Variants in CHCHD6 observed in about 807,000 individuals in gnomAD.
CHCHD6 encodes the protein coiled-coil-helix-coiled-coil-helix domain containing 6, also known as MICOS complex subunit MIC25.
CHCHD6 carries 28 observed loss-of-function variants against 32.3 expected under a neutral mutation model. That is an observed-to-expected ratio of 0.87 (90% confidence interval 0.64 to 1.19). The LOEUF (loss-of-function observed/expected upper bound fraction) is 1.19. Among genes scored for constraint, CHCHD6 ranks in the 50% most tolerant of loss-of-function variants. The pLI is 0.00. For synonymous variants in CHCHD6, 122 were observed against 117.5 expected, an observed-to-expected ratio of 1.04 and a Z score of -0.25; for missense variants, 333 against 307.0, an observed-to-expected ratio of 1.08 and a Z score of -0.63.
At chr3:126,720,710 C>A (rs1244165954) in intron 1 of CHCHD6, among the ~76,000 whole-genome samples, 16 of 152,178 alleles carry the variant, frequency 1.1e-4, no homozygotes, top group African/African-American at 3.4e-4. Context: ...GAAGTGTTCC[C>A]TCTTGAGTGC....
intron 5 of CHCHD6, among the ~76,000 whole-genome samples, chr3:126,900,157 T>C (rs1050804713): frequency 2.0e-5 from 3 of 152,170 alleles, no homozygotes; most frequent in East Asian, 3.9e-4. Flanking sequence ...GGAAAAGACG[T>C]TGGGAGTTTT....
At chr3:126,947,729 G>A (rs1478975900) in intron 6 of CHCHD6, among the ~76,000 whole-genome samples, 5 of 152,142 alleles carry the variant, frequency 3.3e-5, no homozygotes, top group East Asian at 1.9e-4. Flanking sequence ...AAATGAGGCC[G>A]AATTTTCTGC....
intron 5 of CHCHD6, among the ~76,000 whole-genome samples, chr3:126,895,567 C>G (rs535153284): frequency 6.6e-6 from 1 of 152,348 alleles, no homozygotes; most frequent in Admixed American, 6.5e-5. Context: ...ATGAAAGGCC[C>G]TCTGTCTTGA....
chr3:126,960,064 C>G (rs2107612143), intron 7 of CHCHD6, 132 bp from the exon 8 acceptor site: 3 of 1,043,630 alleles, frequency 2.9e-6, no homozygotes, highest in South Asian at 2.8e-5. Context: ...ACTGATGGGT[C>G]TCCAGGTGAG....
At chr3:126,952,104 A>G (rs2078723952) in intron 6 of CHCHD6, among the ~76,000 whole-genome samples, 1 of 152,188 alleles carries the variant, frequency 6.6e-6, no homozygotes, top group Non-Finnish European at 1.5e-5. Flanking sequence ...GGTGTTTTAG[A>G]AATCTGTGGC....
intron 5 of CHCHD6, among the ~76,000 whole-genome samples, chr3:126,888,492 C>T (rs1192585027): frequency 6.6e-6 from 1 of 152,208 alleles, no homozygotes; most frequent in Non-Finnish European, 1.5e-5. Flanking sequence ...CCACTCACTG[C>T]ACTCCAGCTA....
chr3:126,929,494 C>T (rs2078372023), intron 6 of CHCHD6, among the ~76,000 whole-genome samples: 1 of 152,194 alleles, frequency 6.6e-6, no homozygotes, highest in Non-Finnish European at 1.5e-5. Context: ...CAGTAAACTT[C>T]ATTCTGGTAG....
intron 4 of CHCHD6, among the ~76,000 whole-genome samples, chr3:126,836,248 G>T (rs959577701): frequency 2.0e-5 from 3 of 152,118 alleles, no homozygotes; most frequent in African/African-American, 7.2e-5. Context: ...TATTTGTTAT[G>T]GTGTTTGTTA....
intron 5 of CHCHD6, among the ~76,000 whole-genome samples, chr3:126,877,162 T>C (rs1385686482): frequency 6.6e-6 from 1 of 152,232 alleles, no homozygotes; most frequent in Admixed American, 6.5e-5. Context: ...AATGGAATTG[T>C]TACTCATAGC....
chr3:126,854,200 T>G (rs866643377), intron 5 of CHCHD6, among the ~76,000 whole-genome samples: 1 of 152,220 alleles, frequency 6.6e-6, no homozygotes, highest in Non-Finnish European at 1.5e-5. Context: ...TTGCTCTTCA[T>G]TAAGTGAAGT....
At chr3:126,957,837 C>T (rs1240172858) in intron 7 of CHCHD6, 5 of 513,144 alleles carry the variant, frequency 9.7e-6, no homozygotes, top group South Asian at 4.2e-5. Context: ...TCAGGCCCCA[C>T]CTTCAAGGGC....
intron 6 of CHCHD6, among the ~76,000 whole-genome samples, chr3:126,946,686 C>T (rs1268016687): frequency 6.6e-6 from 1 of 152,166 alleles, no homozygotes; most frequent in African/African-American, 2.4e-5. Context: ...TTAACCAAGT[C>T]CTTAGTAACC....
At position 126,960,318 on chromosome 3, in the gene CHCHD6, G is replaced by GGCTCAGGGGCAT; in HGVS notation, c.*117_*118insGCTCAGGGGCAT. On this transcript the variant is annotated 3_prime_UTR_variant, in exon 8 of 8. Coordinates refer to ENST00000290913, the MANE Select transcript of CHCHD6 (RefSeq NM_032343.3). ...CTGCTGGGCCCCTGCATATGCCCCTGAGCCTGGGGCTGCCACGTGTTTAGG... is the reference window on the plus strand; with the variant it reads ...CTGCTGGGCCCCTGCATATGCCCCTGGCTCAGGGGCATAGCCTGGGGCTGCCACGTGTTTAGG... 8.1e-7 allele frequency: 1 copy of GGCTCAGGGGCAT among 1,238,672 alleles called. No homozygotes were observed. Among genetic ancestry groups the GGCTCAGGGGCAT allele is most frequent in the Non-Finnish European group, 1.2e-6 (1 of 869,326 alleles). 76.7% of individuals were successfully genotyped at this position (1,238,672 alleles called of 1,614,324 possible).
At chr3:126,906,904 T>C (rs1431461678) in intron 5 of CHCHD6, among the ~76,000 whole-genome samples, 1 of 152,214 alleles carries the variant, frequency 6.6e-6, no homozygotes, top group Non-Finnish European at 1.5e-5. Context: ...TCATCATCCA[T>C]GTCACAGCAG....
At chr3:126,767,013 T>TA (rs1937398251) in intron 4 of CHCHD6, 1 of 874,652 alleles carries the variant, frequency 1.1e-6, no homozygotes, top group Admixed American at 1.8e-5. Context: ...CTACATTTGG[T>TA]ACAGGCAGGA....
At chr3:126,729,550 C>T (rs997468355) in intron 2 of CHCHD6, among the ~76,000 whole-genome samples, 3 of 152,138 alleles carry the variant, frequency 2.0e-5, no homozygotes, top group Non-Finnish European at 4.4e-5. Context: ...ATAAGCATGG[C>T]GAGCACTAGT....
rs187854399 is a variant in CHCHD6 at position 126,813,573 on chromosome 3, A to G, written c.412-39074A>G. Among the ~76,000 whole-genome samples the G allele has an allele frequency of 5.1e-4, 78 of 152,322 alleles. 2 individuals carry two copies. The highest frequency in any genetic ancestry group is 5.1e-3 in the Admixed American group (78 of 15,302). ...ATGAGCTCCTTGAGTCATCACAAAC[A>G]CAATTTGAGAAAGGCATTAGTTTTT... On this transcript the variant is annotated intron_variant, in intron 4 of 7. Coordinates refer to ENST00000290913, the MANE Select transcript of CHCHD6 (RefSeq NM_032343.3).
chr3:126,872,785 T>G (rs2107568532), intron 5 of CHCHD6, among the ~76,000 whole-genome samples: 1 of 152,358 alleles, frequency 6.6e-6, no homozygotes, highest in Middle Eastern at 3.4e-3. Flanking sequence ...CAGGATGTTC[T>G]CCAGGCGAGT....
intron 5 of CHCHD6, among the ~76,000 whole-genome samples, chr3:126,867,068 G>C (rs931378103): frequency 7.2e-5 from 11 of 152,244 alleles, no homozygotes; most frequent in African/African-American, 2.7e-4. Flanking sequence ...TTTCATGCCA[G>C]TGCCTTGTTG....
Sources: gnomAD v4.1 joint callset for allele counts (sites outside exome capture counted in the v4.1 genomes callset) on GRCh38, gnomAD v4.1.1 for gene constraint, MANE v1.5 for transcripts, NCBI Gene and HGNC (gene_info 2026-07-23, HGNC 2026-07-21) for gene names.